The following C17orf99 variants were observed in gnomAD, a reference collection of about 807,000 sequenced individuals.
C17orf99 encodes chromosome 17 open reading frame 99.
Under a neutral mutation model 22.6 loss-of-function variants are expected in C17orf99, and 18 were observed. The ratio of observed to expected loss-of-function variants is 0.80; its 90% CI spans 0.55 to 1.18. The LOEUF (loss-of-function observed/expected upper bound fraction) is 1.18, where lower values mean the gene tolerates loss of function less well. Ranked by LOEUF, C17orf99 falls within the 50% of genes most tolerant of loss-of-function variation. The pLI, the probability that C17orf99 is intolerant of heterozygous loss-of-function variation, is 0.00. For synonymous variants in C17orf99, 147 were observed against 136.6 expected (o/e 1.08, Z -0.53); for missense variants, 328 against 342.7 (o/e 0.96, Z 0.34).
chr17:78,163,470 C>T (rs2075593078), intron 3 of C17orf99, among the ~76,000 whole-genome samples: 2 of 152,228 alleles, frequency 1.3e-5, no homozygotes, highest in Non-Finnish European at 2.9e-5. Context: ...ATAAATTTTA[C>T]ATAGGACATA....
chr17:78,162,644 A>G (rs2075587060), intron 3 of C17orf99, among the ~76,000 whole-genome samples: 1 of 152,024 alleles, frequency 6.6e-6, no homozygotes, highest in African/African-American at 2.4e-5. Flanking sequence ...CTTTATCTGC[A>G]AAAGGAAAAT....
At chr17:78,146,346 G>C (rs1283892164), upstream of C17orf99, 3 of 1,480,152 alleles carry the variant, frequency 2.0e-6, no homozygotes, top group Non-Finnish European at 2.8e-6. This position sits in a 1 kb window ranked among gnomAD's most constrained non-coding sequence, Gnocchi z 5.2. Context: ...GCCTCAGGGT[G>C]GGGGAGGCCA....
intron 2 of C17orf99, among the ~76,000 whole-genome samples, chr17:78,151,662 T>C (rs1457254889): frequency 6.6e-6 from 1 of 151,884 alleles, no homozygotes; most frequent in Non-Finnish European, 1.5e-5. Context: ...TTTCCTCTTC[T>C]CCTCAGGCCC....
Position 78,163,759 on chromosome 17 carries a change from G to A in C17orf99, c.371-336G>A, listed in dbSNP as rs143420932. On this transcript the variant is annotated intron_variant, in intron 3 of 4. Coordinates refer to ENST00000340363, the MANE Select transcript of C17orf99 (RefSeq NM_001163075.2). ...TGCACACCTGTAGTCCTAGCTACTC[G>A]GGAGGCTGAGATGGGAGAATTGCTC... 7.9e-5 allele frequency among the ~76,000 whole-genome samples: 12 copies of A among 152,294 alleles called. No individual in the cohort carries two copies. In the East Asian group the frequency reaches 2.3e-3, roughly 29 times the overall value.
At chr17:78,157,290 C>A in intron 2 of C17orf99, 1 of 370,218 alleles carries the variant, frequency 2.7e-6, no homozygotes, top group Non-Finnish European at 4.8e-6. Flanking sequence ...ACGGTGAAAA[C>A]CCATCTCAGG....
intron 4 of C17orf99, chr17:78,165,096 T>TC: frequency 2.9e-6 from 3 of 1,049,114 alleles, no homozygotes; most frequent in Non-Finnish European, 3.4e-6. Context: ...CCTCCCAGGG[T>TC]CCCCTCTCCA....
At chr17:78,157,578 C>T (rs2075537159) in intron 2 of C17orf99, 1 of 643,984 alleles carries the variant, frequency 1.6e-6, no homozygotes, top group Non-Finnish European at 2.5e-6. Context: ...GCAGGCGGAT[C>T]ACAAGGTCAG....
At chr17:78,164,904 G>C (rs1039803596) in intron 4 of C17orf99, 2 of 1,170,728 alleles carry the variant, frequency 1.7e-6, no homozygotes, top group African/African-American at 3.2e-5. Flanking sequence ...AGTGCTCCCA[G>C]GTGCCCTGTA....
At chr17:78,147,120 GA>G (rs2075443488) in intron 2 of C17orf99, among the ~76,000 whole-genome samples, 1 of 152,214 alleles carries the variant, frequency 6.6e-6, no homozygotes, top group African/African-American at 2.4e-5. Context: ...CCAGTGTGGG[GA>G]CCTCCGGGGC....
chr17:78,147,844 G>A lies in C17orf99; in HGVS notation c.70+933G>A, dbSNP rs118142696. Among the ~76,000 whole-genome samples, 213 of 152,274 alleles carry A rather than the reference G, an allele frequency of 1.4e-3. 1 individual carries two copies. In the East Asian group the frequency reaches 0.034, roughly 25 times the overall value. ...AAAGAGAGCAGGCAGCTGGGGCTCC[G>A]GGAAGTACCTGTGCAGGGCAGTTCC... On this transcript the variant is annotated intron_variant, in intron 2 of 4. Transcript: ENST00000340363.
intron 2 of C17orf99, among the ~76,000 whole-genome samples, chr17:78,150,455 C>T (rs1246260104): frequency 6.6e-6 from 1 of 152,116 alleles, no homozygotes; most frequent in Non-Finnish European, 1.5e-5. Context: ...TTTTGAAATC[C>T]CCAAGAATTC....
intron 2 of C17orf99, chr17:78,157,338 G>A (rs904390412): frequency 3.1e-5 from 22 of 704,324 alleles, no homozygotes; most frequent in African/African-American, 2.7e-4. Flanking sequence ...CAGCGGCGGC[G>A]GCGGCGGCGG....
At position 78,146,934 on chromosome 17, in the gene C17orf99, G is replaced by A. The variant is rs1176948312; in HGVS notation, c.70+23G>A. On this transcript the variant is annotated intron_variant, in intron 2 of 4. Coordinates refer to ENST00000340363, the MANE Select transcript of C17orf99 (RefSeq NM_001163075.2). The surrounding 1 kb of genome is among the most constrained non-coding windows in gnomAD (Gnocchi z 5.2). ...AAGGTAAGTGGCATAGCCTGCTGCA[G>A]GGAGAAGTCCCCCAGCTGGGACCCT... 3.9e-6 allele frequency: 6 copies of A among 1,550,102 alleles called. No individual in the cohort carries two copies. The Admixed American group carries it at 9.8e-5, about 25-fold the overall frequency.
upstream of C17orf99, among the ~76,000 whole-genome samples, chr17:78,145,586 T>G (rs1277207693): frequency 6.6e-6 from 1 of 152,058 alleles, no homozygotes; most frequent in Admixed American, 6.6e-5. Context: ...AGCCTTGGCC[T>G]CCCGGCTGTG....
chr17:78,147,623 TC>T (rs2075446796), intron 2 of C17orf99, among the ~76,000 whole-genome samples: 1 of 152,088 alleles, frequency 6.6e-6, no homozygotes, highest in African/African-American at 2.4e-5. Flanking sequence ...GACAGTCACC[TC>T]CCTATATTGT....
At chr17:78,150,843 G>A (rs939269307) in intron 2 of C17orf99, among the ~76,000 whole-genome samples, 1 of 152,192 alleles carries the variant, frequency 6.6e-6, no homozygotes, top group East Asian at 1.9e-4. Context: ...CACAGAGGAG[G>A]CCGGACACAG....
At chr17:78,153,868 G>A (rs1381529926) in intron 2 of C17orf99, among the ~76,000 whole-genome samples, 6 of 143,752 alleles carry the variant, frequency 4.2e-5, no homozygotes, top group East Asian at 2.1e-4. Context: ...TCTTCAAATC[G>A]AAGATTTTTC....
At chr17:78,147,292 G>A (rs545287223) in intron 2 of C17orf99, among the ~76,000 whole-genome samples, 3 of 152,294 alleles carry the variant, frequency 2.0e-5, no homozygotes, top group South Asian at 4.1e-4. Context: ...GCGAGGCCCC[G>A]TGGAGGGCTG....
intron 2 of C17orf99, 98 bp downstream of exon 2, chr17:78,147,009 C>A: frequency 9.6e-7 from 1 of 1,037,588 alleles, no homozygotes; most frequent in Non-Finnish European, 1.5e-6. Context: ...AAGGGAGTTA[C>A]TAGTGGGGAG....
Sources: gnomAD v4.1 joint callset for allele counts (sites outside exome capture counted in the v4.1 genomes callset) on GRCh38, gnomAD v4.1.1 for gene constraint, Gnocchi (gnomAD v3.1) non-coding constraint, MANE v1.5 for transcripts, NCBI Gene and HGNC (gene_info 2026-07-23, HGNC 2026-07-21) for gene names.